OTUD4: variants seen among roughly 807,000 people sequenced by gnomAD.
OTUD4 encodes the protein OTU deubiquitinase 4, also known as OTU domain-containing protein 4.
OTUD4 carries 24 observed loss-of-function variants against 130.4 expected under a neutral mutation model. The ratio of observed to expected loss-of-function variants is 0.18; its 90% CI spans 0.13 to 0.26. The LOEUF (loss-of-function observed/expected upper bound fraction) is 0.26. Ranked by LOEUF, OTUD4 falls within the 10% of genes least tolerant of loss-of-function variation. The probability of loss-of-function intolerance (pLI) is 1.00; values close to 1 mark genes in which losing one functional copy is unlikely to be tolerated. For missense variants in OTUD4, 1,031 were observed against 1,329.4 expected, an observed-to-expected ratio of 0.78 and a Z score of 3.49; for synonymous variants, 420 against 472.5, an observed-to-expected ratio of 0.89 and a Z score of 1.44.
At chr4:145,152,785 T>C in intron 10 of OTUD4, 150 bp from the exon 11 acceptor site, 1 of 584,796 alleles carries the variant, frequency 1.7e-6, no homozygotes, top group Non-Finnish European at 3.0e-6. Flanking sequence ...GGCACAATCT[T>C]GGCTCACTGC....
intron 13 of OTUD4, among the ~76,000 whole-genome samples, chr4:145,150,031 T>C (rs1750993393): frequency 6.6e-6 from 1 of 152,230 alleles, no homozygotes; most frequent in Admixed American, 6.5e-5. Context: ...AATGCTGATA[T>C]TTATAATTTC....
At chr4:145,149,844 G>A (rs765405992) in intron 13 of OTUD4, among the ~76,000 whole-genome samples, 12 of 152,176 alleles carry the variant, frequency 7.9e-5, no homozygotes, top group African/African-American at 2.4e-4. Context: ...CAGGAAACAC[G>A]GTCATATTTG....
At chr4:145,173,677 CT>C (rs1347171458) in intron 2 of OTUD4, among the ~76,000 whole-genome samples, 2 of 152,134 alleles carry the variant, frequency 1.3e-5, no homozygotes, top group Non-Finnish European at 2.9e-5. Context: ...TCAACATTCT[CT>C]ACCAGTCAAC....
chr4:145,147,390 C>G (rs546792481), intron 13 of OTUD4, among the ~76,000 whole-genome samples: 1 of 152,154 alleles, frequency 6.6e-6, no homozygotes, highest in East Asian at 1.9e-4. Flanking sequence ...AATCTGGACT[C>G]TCAAAATTTT....
intron 10 of OTUD4, among the ~76,000 whole-genome samples, chr4:145,153,784 G>T (rs955528753): frequency 2.6e-5 from 4 of 152,120 alleles, no homozygotes; most frequent in African/African-American, 4.8e-5. Flanking sequence ...CCTCAAGCTG[G>T]TATTTCATTC....
chr4:145,172,411 T>C (rs1752214683), intron 2 of OTUD4, among the ~76,000 whole-genome samples: 1 of 152,244 alleles, frequency 6.6e-6, no homozygotes, highest in Non-Finnish European at 1.5e-5. Flanking sequence ...CGAAAAATAT[T>C]TTGAAGCATC....
Position 145,161,520 on chromosome 4 carries a change from T to C in OTUD4, c.496+1120A>G, listed in dbSNP as rs527841482. ...ATCTGTACTTTGCCAGAACGGATGA[T>C]ATAAAAGAAACTGGTAGGAAGGGTC... On this transcript the variant is annotated intron_variant, in intron 6 of 20. Coordinates refer to ENST00000447906, the MANE Select transcript of OTUD4 (RefSeq NM_001366057.1). Among the ~76,000 whole-genome samples the C allele has an allele frequency of 1.4e-4, 22 of 152,282 alleles. No individual in the cohort carries two copies. The South Asian group carries it at 4.6e-3, about 32-fold the overall frequency.
At chr4:145,177,954 A>C (rs550689162) in intron 1 of OTUD4, among the ~76,000 whole-genome samples, 81 of 152,270 alleles carry the variant, frequency 5.3e-4, no homozygotes, top group African/African-American at 1.9e-3. Context: ...ACACACACAC[A>C]CTTTGCCTTT....
In OTUD4 at chr4:145,142,202, G is replaced by A; in HGVS notation, c.1816C>T (p.Pro606Ser). 1 of 1,613,436 alleles carries A rather than the reference G, an allele frequency of 6.2e-7. No homozygotes were observed. The highest frequency in any genetic ancestry group is 8.5e-7 in the Non-Finnish European group (1 of 1,179,712). Residue 606 changes from proline (P) to serine (S), a missense_variant, in exon 18 of 21, where the codon CCA becomes TCA. By Grantham distance (74) the Pro-to-Ser change is moderately conservative. Around this residue, in one of 3 missense-constraint regions of OTUD4, gnomAD observed 900 missense variants for 1,095.9 expected, o/e 0.82. Transcript: ENST00000447906. ...TTCTAAACCCTTCTCTAACCTGTTG[G>A]TCCAAAAGTTGTAGGTTCACTTGGC... ...AWPSEPTTFGPTGVPAPIPVL... is the reference protein window; with the variant it reads ...AWPSEPTTFGSTGVPAPIPVL...
Position 145,146,419 on chromosome 4 carries a change from G to A in OTUD4, c.1270C>T (p.Arg424Cys), listed in dbSNP as rs574645758. 28 of 1,537,318 alleles carry A rather than the reference G, an allele frequency of 1.8e-5. No individual in the cohort carries two copies. In the Admixed American group the frequency reaches 3.9e-4, roughly 21 times the overall value. The change falls in exon 14 of 21, where the codon CGT (arginine) becomes TGT (cysteine). Residue 424 changes from arginine to cysteine, a missense_variant. By Grantham distance (180) the Arg-to-Cys change is radical. Coordinates refer to ENST00000447906, the MANE Select transcript of OTUD4 (RefSeq NM_001366057.1). The stretch of plus-strand genomic sequence containing the variant: ...TGATCAAAATCCTCAACTCTTTCAC[G>A]ATCAGGTTTTCTGTCAAATAAAACA... Reference protein sequence around the residue: ...TPSQIIRKPDRERVEDFDHTS... With the variant: ...TPSQIIRKPDCERVEDFDHTS...
chr4:145,179,772 T>A, intron 1 of OTUD4, 43 bp downstream of exon 1: 1 of 788,428 alleles, frequency 1.3e-6, no homozygotes. Context: ...CGCCGGGCCG[T>A]CCCCGCCTCC....
At chr4:145,179,656 C>T (rs1021313574) in intron 1 of OTUD4, 159 bp downstream of exon 1, 50 of 1,402,058 alleles carry the variant, frequency 3.6e-5, no homozygotes, top group Non-Finnish European at 4.3e-5. Context: ...CGCAAAGCAG[C>T]GTCCCACTCC....
intron 13 of OTUD4, 138 bp downstream of exon 13, chr4:145,150,375 T>C (rs1751011513): frequency 3.7e-6 from 2 of 546,286 alleles, no homozygotes; most frequent in South Asian, 3.2e-5. Context: ...TGAAGTTTTA[T>C]ACAAAATGCT....
At chr4:145,150,174 G>A (rs966912215) in intron 13 of OTUD4, among the ~76,000 whole-genome samples, 1 of 152,118 alleles carries the variant, frequency 6.6e-6, no homozygotes, top group Non-Finnish European at 1.5e-5. Context: ...CACCTCCCAA[G>A]GAAATAGGAA....
chr4:145,138,696 G>T, intron 20 of OTUD4, 46 bp from the exon 21 acceptor site: 1 of 1,542,110 alleles, frequency 6.5e-7, no homozygotes, highest in South Asian at 1.3e-5. Flanking sequence ...GGAGAAAAAA[G>T]AGAGGTTTGG....
At chr4:145,179,442 A>G (rs935257583) in intron 1 of OTUD4, 4 of 219,180 alleles carry the variant, frequency 1.8e-5, no homozygotes, top group Non-Finnish European at 3.4e-5. Context: ...GAGTGGGGTG[A>G]GCGTGGTGCT....
rs554115144 is a variant in OTUD4, at chr4:145,134,826, C to A, written c.*2604G>T. 3 of 398,912 alleles carry A rather than the reference C, an allele frequency of 7.5e-6. No individual in the cohort carries two copies. In the South Asian group the frequency reaches 3.8e-4, roughly 51 times the overall value. The allele number at this position is 398,912 out of a possible 1,614,324, so 24.7% of individuals were successfully genotyped here. A position where few individuals can be genotyped will look rare whatever the true frequency, so the allele number is the denominator to read the frequency against. On this transcript the variant is annotated 3_prime_UTR_variant, in exon 21 of 21. Transcript: ENST00000447906. ...AATCAAGTTCAGCCAAAGCACCTAA[C>A]ACAAAAAACAGGTGAGCTTTGGTCA... is the stretch of plus-strand genomic sequence containing the variant.
intron 7 of OTUD4, chr4:145,159,128 A>G (rs1294609296): frequency 4.0e-5 from 42 of 1,043,548 alleles, no homozygotes; most frequent in Non-Finnish European, 3.5e-6. Flanking sequence ...AGAAAACAAT[A>G]AAAGAAAGTG....
intron 6 of OTUD4, among the ~76,000 whole-genome samples, chr4:145,161,231 C>T (rs894861820): frequency 4.6e-5 from 7 of 152,138 alleles, no homozygotes; most frequent in Non-Finnish European, 8.8e-5. Flanking sequence ...ACAGGAGTTG[C>T]AGCCCTCGTA....
Sources: allele counts gnomAD v4.1 joint callset (sites outside exome capture counted in the v4.1 genomes callset), GRCh38; gene constraint gnomAD v4.1.1; regional missense constraint gnomAD v4.1.1; transcripts MANE v1.5; gene names NCBI Gene and HGNC (gene_info 2026-07-23, HGNC 2026-07-21).